Variants in LNX1 observed in about 807,000 individuals in gnomAD.
LNX1 encodes the protein ligand of numb-protein X 1.
LNX1 carries 54 observed loss-of-function variants against 68.4 expected under a neutral mutation model. The observed-to-expected ratio is 0.79, with a 90% CI of 0.63 to 0.99. The LOEUF (loss-of-function observed/expected upper bound fraction) is 0.99, where lower values mean the gene tolerates loss of function less well. Among genes scored for constraint, LNX1 ranks in the 50% least tolerant of loss-of-function variants. LNX1 has a pLI of 0.00. For synonymous variants in LNX1, 336 were observed against 350.0 expected (o/e 0.96, Z 0.45); for missense variants, 906 against 926.4 (o/e 0.98, Z 0.29).
intron 6 of LNX1, among the ~76,000 whole-genome samples, chr4:53,485,496 G>A (rs1399342219): frequency 3.3e-5 from 5 of 152,206 alleles, no homozygotes; most frequent in African/African-American, 1.2e-4. Context: ...ATTTTCAAAT[G>A]CTGGCTTTGG....
intron 2 of LNX1, among the ~76,000 whole-genome samples, chr4:53,536,238 T>C (rs1248319214): frequency 6.6e-6 from 1 of 152,190 alleles, no homozygotes; most frequent in East Asian, 1.9e-4. Flanking sequence ...GGTCAGTCTC[T>C]TAGTGGAAAT....
chr4:53,557,172 G>A (rs780468999), intron 2 of LNX1, among the ~76,000 whole-genome samples: 19 of 152,204 alleles, frequency 1.2e-4, no homozygotes, highest in Admixed American at 1.2e-3. Flanking sequence ...AAATGGACAT[G>A]TGTCATGTAG....
chr4:53,603,957 A>G (rs1429739631), intron 2 of LNX1: 1 of 152,220 alleles, frequency 6.6e-6, no homozygotes, highest in Non-Finnish European at 1.5e-5. Flanking sequence ...TATACCAATT[A>G]TTAAATATTT....
rs1297235551 is a variant in LNX1, at chr4:53,476,799, G to GT, written c.1845dup (p.Pro616ThrfsTer3). 1 of 1,614,066 alleles carries GT rather than the reference G, an allele frequency of 6.2e-7. No individual in the cohort carries two copies. The highest frequency in any genetic ancestry group is 8.5e-7 in the Non-Finnish European group (1 of 1,180,032). On this transcript the variant is annotated frameshift_variant, in exon 9 of 11. Coordinates refer to ENST00000263925, the MANE Select transcript of LNX1 (RefSeq NM_001126328.3). LOFTEE classifies it high-confidence loss of function. ...ACCCAGGATGGGGACCAGTCACTGG[G>GT]TGGGGCCATGTTGTGGTTGGAGTCC... is the stretch of plus-strand genomic sequence containing the variant.
chr4:53,514,605 C>T (rs1381210434), intron 2 of LNX1, among the ~76,000 whole-genome samples: 2 of 152,114 alleles, frequency 1.3e-5, no homozygotes, highest in Non-Finnish European at 2.9e-5. Context: ...AACCGGGTCC[C>T]TCCCACAACA....
At chr4:53,577,950 T>C (rs546418947) in intron 1 of LNX1, among the ~76,000 whole-genome samples, 2 of 152,202 alleles carry the variant, frequency 1.3e-5, no homozygotes, top group African/African-American at 4.8e-5. Flanking sequence ...ATATTTACCA[T>C]GCGCCAGGCA....
intron 2 of LNX1, among the ~76,000 whole-genome samples, chr4:53,512,999 T>C (rs1241615988): frequency 2.6e-5 from 4 of 152,128 alleles, no homozygotes; most frequent in Admixed American, 1.3e-4. Flanking sequence ...GAGCTGGTCC[T>C]CCTGACACCA....
At chr4:53,594,394 G>GA (rs1732657675), upstream of LNX1, among the ~76,000 whole-genome samples, 2 of 151,990 alleles carry the variant, frequency 1.3e-5, no homozygotes, top group African/African-American at 4.8e-5. Flanking sequence ...TTTAAAATCT[G>GA]AAAATTTAAT....
intron 1 of LNX1, among the ~76,000 whole-genome samples, chr4:53,639,669 G>T (rs115612878): frequency 6.6e-6 from 1 of 152,044 alleles, no homozygotes; most frequent in Non-Finnish European, 1.5e-5. Flanking sequence ...TTCTTCTGTC[G>T]CCCACTTACC....
In LNX1 at chr4:53,507,363, A is replaced by G. The variant is rs781522036; in HGVS notation, c.729T>C (p.His243=). The part of the protein sequence containing the change: ...RTKSGSAVAN[H]ADQGRENSEN... ...CAGAATTTTCCCTGCCCTGGTCGGC[A>G]TGGTTGGCAACTGCACTCCCGCTCT... Residue 243 remains histidine, a synonymous_variant, in exon 4 of 11, where the codon CAT becomes CAC. Coordinates refer to ENST00000263925, the MANE Select transcript of LNX1 (RefSeq NM_001126328.3). 12 of 1,614,152 alleles carry G rather than the reference A, an allele frequency of 7.4e-6. No individual in the cohort carries two copies. The highest frequency in any genetic ancestry group is 1.1e-5 in the South Asian group (1 of 91,080).
intron 1 of LNX1, among the ~76,000 whole-genome samples, chr4:53,590,494 T>TTC (rs1732444246): frequency 9.5e-6 from 1 of 105,650 alleles, no homozygotes; most frequent in Non-Finnish European, 2.0e-5. Flanking sequence ...GGCTAAAGAG[T>TTC]TTGACTATTG....
At position 53,498,761 on chromosome 4, in the gene LNX1, G is replaced by A. The variant is rs1725259457; in HGVS notation, c.858C>T (p.Leu286=). Residue 286 remains leucine (L), a synonymous_variant, in exon 5 of 11, where the codon CTC becomes CTT. Coordinates refer to ENST00000263925, the MANE Select transcript of LNX1 (RefSeq NM_001126328.3). ...KINRVDPSES[L]SIRLVGGSET... is the part of the protein sequence containing the mutation. Reference sequence around the variant, plus strand: ...CGCTACCTCCCACCAGCCTAATAGAGAGGCTTTCACTGGGATCTACTCGAT... The same window carrying A: ...CGCTACCTCCCACCAGCCTAATAGAAAGGCTTTCACTGGGATCTACTCGAT... 1 of 1,613,796 alleles carries A rather than the reference G, an allele frequency of 6.2e-7. No individual in the cohort carries two copies.
At chr4:53,586,202 TCAGA>T (rs949118957) in intron 1 of LNX1, among the ~76,000 whole-genome samples, 2 of 151,816 alleles carry the variant, frequency 1.3e-5, no homozygotes, top group Non-Finnish European at 2.9e-5. Context: ...GTAATATAAG[TCAGA>T]CAATCATATT....
At chr4:53,487,717 T>C (rs778401622) in intron 6 of LNX1, among the ~76,000 whole-genome samples, 12 of 152,226 alleles carry the variant, frequency 7.9e-5, no homozygotes, top group Non-Finnish European at 1.5e-4. Flanking sequence ...AGAGCTGTAA[T>C]GCGACTGATA....
intron 1 of LNX1, among the ~76,000 whole-genome samples, chr4:53,625,844 C>CATGTGT (rs71662240): frequency 4.9e-5 from 7 of 144,166 alleles, no homozygotes; most frequent in Non-Finnish European, 1.1e-4. Flanking sequence ...AATTCCACCC[C>CATGTGT]GTGTGTGTGT....
At chr4:53,586,734 G>A (rs1732195168) in intron 1 of LNX1, among the ~76,000 whole-genome samples, 1 of 152,172 alleles carries the variant, frequency 6.6e-6, no homozygotes, top group Admixed American at 6.5e-5. Flanking sequence ...GTAAACAGAT[G>A]ATTGTAAAAA....
At chr4:53,483,632 C>G (rs1036063632) in intron 6 of LNX1, among the ~76,000 whole-genome samples, 1 of 152,212 alleles carries the variant, frequency 6.6e-6, no homozygotes, top group African/African-American at 2.4e-5. Context: ...ATTCCCAAGA[C>G]AGACCTGGTT....
intron 2 of LNX1, among the ~76,000 whole-genome samples, chr4:53,569,591 A>G (rs1369982561): frequency 6.7e-6 from 1 of 149,144 alleles, no homozygotes; most frequent in Non-Finnish European, 1.5e-5. Flanking sequence ...ACCATTCAGG[A>G]CATAGGCATG....
At chr4:53,478,437 G>A (rs1723704012) in intron 8 of LNX1, 128 bp downstream of exon 8, 1 of 793,224 alleles carries the variant, frequency 1.3e-6, no homozygotes, top group Non-Finnish European at 1.9e-6. Flanking sequence ...ATGGTCAATG[G>A]GTAACAAAAG....
Sources: allele counts gnomAD v4.1 joint callset (sites outside exome capture counted in the v4.1 genomes callset), GRCh38; gene constraint gnomAD v4.1.1; transcripts MANE v1.5; gene names NCBI Gene and HGNC (gene_info 2026-07-23, HGNC 2026-07-21).